ERICH3: variants seen among roughly 807,000 people sequenced by gnomAD.
ERICH3 encodes glutamate-rich protein 3.
In ERICH3, 126 loss-of-function variants were observed where a neutral mutation model predicts 131.1. The observed-to-expected ratio is 0.96, with a 90% CI of 0.83 to 1.11. The LOEUF (loss-of-function observed/expected upper bound fraction) is 1.11, where lower values mean the gene tolerates loss of function less well. Ranked by LOEUF, ERICH3 falls within the 50% of genes most tolerant of loss-of-function variation. The pLI, the probability that ERICH3 is intolerant of heterozygous loss-of-function variation, is 0.00. For missense variants in ERICH3, 2,050 were observed against 1,810.7 expected, an observed-to-expected ratio of 1.13 and a Z score of -2.40; for synonymous variants, 695 against 644.6, an observed-to-expected ratio of 1.08 and a Z score of -1.18.
At chr1:74,628,154 G>A (rs1184836063) in intron 7 of ERICH3, among the ~76,000 whole-genome samples, 4 of 152,112 alleles carry the variant, frequency 2.6e-5, no homozygotes, top group East Asian at 1.9e-4. Context: ...ATGTCCACAC[G>A]AGCAATTCAT....
intron 3 of ERICH3, among the ~76,000 whole-genome samples, chr1:74,645,689 T>C (rs1646476991): frequency 6.6e-6 from 1 of 152,082 alleles, no homozygotes; most frequent in African/African-American, 2.4e-5. Context: ...AGCTAATACT[T>C]TTATAAGCAA....
At chr1:74,636,237 A>G (rs1646387628) in intron 6 of ERICH3, 43 bp downstream of exon 6, 1 of 1,457,124 alleles carries the variant, frequency 6.9e-7, no homozygotes, top group Non-Finnish European at 9.3e-7. Flanking sequence ...ATAATAATCT[A>G]CTCAAAAATT....
At chr1:74,666,370 C>G (rs1031882713) in intron 1 of ERICH3, among the ~76,000 whole-genome samples, 1 of 152,148 alleles carries the variant, frequency 6.6e-6, no homozygotes, top group Non-Finnish European at 1.5e-5. Context: ...TTAAAGTATG[C>G]TTCTTGTGGC....
chr1:74,612,967 T>C (rs974941791), intron 8 of ERICH3, among the ~76,000 whole-genome samples, 158 bp from the exon 9 acceptor site: 2 of 152,158 alleles, frequency 1.3e-5, no homozygotes, highest in Non-Finnish European at 2.9e-5. Context: ...AGAAGAATTG[T>C]CTTGGGTCAC....
intron 9 of ERICH3, among the ~76,000 whole-genome samples, chr1:74,607,948 A>G (rs1648481668): frequency 6.6e-6 from 1 of 151,890 alleles, no homozygotes; most frequent in Admixed American, 6.6e-5. Context: ...TCATTACCTC[A>G]TAGACCAATA....
chr1:74,583,369 T>C (rs1220024708), intron 12 of ERICH3, among the ~76,000 whole-genome samples: 1 of 152,276 alleles, frequency 6.6e-6, no homozygotes, highest in East Asian at 1.9e-4. Flanking sequence ...CTCCTTATAA[T>C]AAAGTTTAAT....
intron 5 of ERICH3, among the ~76,000 whole-genome samples, chr1:74,636,877 T>C (rs923050748): frequency 2.6e-5 from 4 of 152,206 alleles, no homozygotes; most frequent in African/African-American, 7.2e-5. Flanking sequence ...CTACTCTGAA[T>C]CTTTTAAGCC....
Position 74,589,974 on chromosome 1 carries a change from T to C in ERICH3, c.1833A>G (p.Thr611=), listed in dbSNP as rs754293200. Residue 611 remains threonine, a synonymous_variant, in exon 12 of 15, where the codon ACA becomes ACG. Transcript: ENST00000326665. ...AAGATGACCTTCTGGCACTTTCATCTGTGCTGCTGTCAGTGTGGGCTTCCC... is the reference window on the plus strand; with the variant it reads ...AAGATGACCTTCTGGCACTTTCATCCGTGCTGCTGTCAGTGTGGGCTTCCC... ...GDREAHTDSS[T]DESARRSSSQ... is the part of the protein sequence containing the mutation. The C allele has an allele frequency of 8.7e-6, 14 of 1,614,042 alleles. No individual in the cohort carries two copies. Among genetic ancestry groups the C allele is most frequent in the Non-Finnish European group, 1.0e-5 (12 of 1,179,940 alleles).
chr1:74,572,634 T>G lies in ERICH3; in HGVS notation c.3076A>C (p.Lys1026Gln), dbSNP rs76542553. ...GSLAKEAFLC[K>Q]EDVEGEEMVT... ...ATCTCTTCCCCTTCCACATCTTCCT[T>G]GCAAAGGAAGGCTTCCTTTGCAAGG... Residue 1026 changes from lysine (K) to glutamine (Q), a missense_variant, in exon 14 of 15, where the codon AAG becomes CAG. Lys to Gln is a moderately conservative substitution (Grantham distance 53). Coordinates refer to ENST00000326665, the MANE Select transcript of ERICH3 (RefSeq NM_001002912.5). The G allele has an allele frequency of 2.4e-4, 380 of 1,613,962 alleles. No homozygotes were observed. The East Asian group carries it at 7.7e-3, about 33-fold the overall frequency.
Position 74,570,070 on chromosome 1 carries a change from T to C in ERICH3, c.*388A>G, listed in dbSNP as rs1646918116. On this transcript the variant is annotated 3_prime_UTR_variant, in exon 15 of 15. Coordinates refer to ENST00000326665, the MANE Select transcript of ERICH3 (RefSeq NM_001002912.5). Reference sequence around the variant, plus strand: ...TGTGGAATTGACTGGGGCTCTGTATTGTAAAATAAAAAGGACTTTAAACAA... The same window carrying C: ...TGTGGAATTGACTGGGGCTCTGTATCGTAAAATAAAAAGGACTTTAAACAA... 1 of 152,190 alleles carries C rather than the reference T, an allele frequency of 6.6e-6. No individual in the cohort carries two copies. Among genetic ancestry groups the C allele is most frequent in the South Asian group, 2.1e-4 (1 of 4,826 alleles). 9.4% of individuals were successfully genotyped at this position (152,190 alleles called of 1,614,324 possible). A position where few individuals can be genotyped will look rare whatever the true frequency, so the allele number is the denominator to read the frequency against.
At chr1:74,631,679 A>G (rs368852195) in intron 7 of ERICH3, 34 bp downstream of exon 7, 14 of 1,537,532 alleles carry the variant, frequency 9.1e-6, no homozygotes, top group Non-Finnish European at 1.3e-5. Flanking sequence ...AATCTGAGAT[A>G]AATTAATAAA....
rs780847773 is a variant in ERICH3 at position 74,571,231 on chromosome 1, C to T, written c.4479G>A (p.Ala1493=). Residue 1493 remains alanine (A), a synonymous_variant, in exon 14 of 15, where the codon GCG becomes GCA. Coordinates refer to ENST00000326665, the MANE Select transcript of ERICH3 (RefSeq NM_001002912.5). ...CAGGCTTCACTGGAAGTGTTGCCAT[C>T]GCCTGTAGACTCTCCGGACTCAATT... The part of the protein sequence containing the change: ...ERELSPESLQ[A]MATLPVKPDF... 1.2e-5 allele frequency: 20 copies of T among 1,613,942 alleles called. No homozygotes were observed. The highest frequency in any genetic ancestry group is 1.7e-5 in the Non-Finnish European group (20 of 1,180,000).
intron 13 of ERICH3, 37 bp downstream of exon 13, chr1:74,576,858 T>C: frequency 6.4e-7 from 1 of 1,552,934 alleles, no homozygotes; most frequent in Non-Finnish European, 8.7e-7. Context: ...GTCTGTTGGA[T>C]CACTCTAATT....
chr1:74,659,469 CA>C lies in ERICH3; in HGVS notation c.24-10155del, dbSNP rs142269076. On this transcript the variant is annotated intron_variant, in intron 1 of 14. Transcript: ENST00000326665. ...GGTAGTCAGTCAGCATGCCTGCTGC[CA>C]GACACAAAGGAGATTAGAGTACTTA... Among the ~76,000 whole-genome samples, 589 of 152,260 alleles carry C rather than the reference CA, an allele frequency of 3.9e-3. 6 individuals are homozygous for C. The highest frequency in any genetic ancestry group is 0.014 in the African/African-American group (569 of 41,546).
At chr1:74,580,718 T>C (rs696686) in intron 12 of ERICH3, among the ~76,000 whole-genome samples, 39,500 of 152,082 alleles carry the variant, frequency 0.26, 7,385 homozygotes, top group African/African-American at 0.53. Context: ...TGATGTTTGC[T>C]TTTTCATTGA....
At chr1:74,650,889 AAGAG>A (rs138642191) in intron 1 of ERICH3, among the ~76,000 whole-genome samples, 78 of 144,422 alleles carry the variant, frequency 5.4e-4, no homozygotes, top group Admixed American at 1.7e-3. Context: ...TACACATAGA[AAGAG>A]AGAGAGAGAG....
intron 6 of ERICH3, chr1:74,634,718 C>G (rs779559986): frequency 6.0e-5 from 42 of 705,788 alleles, no homozygotes; most frequent in Non-Finnish European, 9.7e-5. Context: ...AGAGGAAATC[C>G]TACTCATTGG....
chr1:74,572,666 T>G lies in ERICH3; in HGVS notation c.3044A>C (p.Glu1015Ala), dbSNP rs1194681135. The change falls in exon 14 of 15, where the codon GAA becomes GCA. Residue 1015 changes from glutamate (E) to alanine (A), a missense_variant. Transcript: ENST00000326665. ...GAAGGCTTCCTTTGCAAGGCTTCCT[T>G]CCTCAGGGCTGCCCTCCGAAACCTG... ...RMQVSEGSPE[E>A]GSLAKEAFLC... The G allele has an allele frequency of 2.5e-6, 4 of 1,613,938 alleles. No individual in the cohort carries two copies. The highest frequency in any genetic ancestry group is 3.4e-6 in the Non-Finnish European group (4 of 1,179,970).
At chr1:74,603,231 A>C (rs2100583041) in intron 10 of ERICH3, among the ~76,000 whole-genome samples, 1 of 151,996 alleles carries the variant, frequency 6.6e-6, no homozygotes, top group Non-Finnish European at 1.5e-5. Context: ...TGGACACACT[A>C]TCCACAACCA....
Sources: allele counts gnomAD v4.1 joint callset (sites outside exome capture counted in the v4.1 genomes callset), GRCh38; gene constraint gnomAD v4.1.1; transcripts MANE v1.5; gene names NCBI Gene and HGNC (gene_info 2026-07-23, HGNC 2026-07-21).